The following RXRG variants were observed in gnomAD, a reference collection of about 807,000 sequenced individuals.
RXRG encodes retinoid X receptor gamma.
RXRG carries 19 observed loss-of-function variants against 49.2 expected under a neutral mutation model. The observed-to-expected ratio is 0.39, with a 90% CI of 0.27 to 0.57. The LOEUF is 0.57. Among genes scored for constraint, RXRG ranks in the 20% least tolerant of loss-of-function variants. RXRG has a pLI of 0.64. For synonymous variants in RXRG, 224 were observed against 216.6 expected (o/e 1.03, Z -0.30); for missense variants, 452 against 592.5 (o/e 0.76, Z 2.46).
In RXRG at chr1:165,409,597, C is replaced by T. The variant is rs181146498; in HGVS notation, c.1007G>A (p.Ser336Asn). 1.5e-5 allele frequency: 23 copies of T among 1,568,906 alleles called. No homozygotes were observed. Among genetic ancestry groups the T allele is most frequent in the Admixed American group, 1.9e-5 (1 of 53,578 alleles). ...GCCGACCCCAGCACTGTGGGCACTGCTCCGGTGGACATGTAAACCCGTGGC... is the reference window on the plus strand; with the variant it reads ...GCCGACCCCAGCACTGTGGGCACTGTTCCGGTGGACATGTAAACCCGTGGC... ...LLATGLHVHR[S>N]SAHSAGVGSI... Residue 336 changes from serine to asparagine, a missense_variant, in exon 7 of 10, where the codon AGC becomes AAC. Ser to Asn is a conservative substitution (Grantham distance 46). This residue lies in a region of RXRG where 286 missense variants were observed against 440.9 expected (regional missense o/e 0.65). Coordinates refer to ENST00000359842, the MANE Select transcript of RXRG (RefSeq NM_006917.5).
chr1:165,434,051 C>T lies in RXRG; in HGVS notation c.50-5085G>A, dbSNP rs557674978. Among the ~76,000 whole-genome samples, 5 of 152,236 alleles carry T rather than the reference C, an allele frequency of 3.3e-5. No homozygotes were observed. The South Asian group carries it at 1.0e-3, about 32-fold the overall frequency. ...CTTTCCAGCTATGTAAATTTGAGCACGGAACATGACCTCTGTAAACTGCAG... is the reference window on the plus strand; with the variant it reads ...CTTTCCAGCTATGTAAATTTGAGCATGGAACATGACCTCTGTAAACTGCAG... On this transcript the variant is annotated intron_variant, in intron 1 of 9. Transcript: ENST00000359842.
chr1:165,413,901 T>C (rs911113552), intron 4 of RXRG, among the ~76,000 whole-genome samples: 2 of 152,226 alleles, frequency 1.3e-5, no homozygotes, highest in African/African-American at 2.4e-5. Flanking sequence ...CAACAGGTCC[T>C]GGCCCCTGAT....
At position 165,428,725 on chromosome 1, in the gene RXRG, G is replaced by A; in HGVS notation, c.291C>T (p.Ser97=). 1 of 1,594,708 alleles carries A rather than the reference G, an allele frequency of 6.3e-7. No homozygotes were observed. Among genetic ancestry groups the A allele is most frequent in the Non-Finnish European group, 8.6e-7 (1 of 1,167,278 alleles). ...PPGINLVAPP[S]SQLNVVNSVS... is the part of the protein sequence containing the mutation. ...GGAGAGGAAGAACACTTACCTGAGA[G>A]CTGGGTGGGGCAACCAAGTTGATTC... The change falls in exon 2 of 10, where the codon AGC becomes AGT. Residue 97 remains serine (S), a synonymous_variant. Transcript: ENST00000359842.
intron 1 of RXRG, among the ~76,000 whole-genome samples, chr1:165,438,355 TA>T (rs67258951): frequency 0.068 from 9,755 of 143,562 alleles, 603 homozygotes; most frequent in East Asian, 0.34. Flanking sequence ...TATTCCAAAA[TA>T]AAAAAAAAAT....
Position 165,417,143 on chromosome 1 carries a change from T to C in RXRG, c.520A>G (p.Thr174Ala). 1.2e-6 allele frequency: 2 copies of C among 1,614,202 alleles called. No individual in the cohort carries two copies. Among genetic ancestry groups the C allele is most frequent in the Non-Finnish European group, 1.7e-6 (2 of 1,180,014 alleles). Residue 174 changes from threonine to alanine, a missense_variant, in exon 4 of 10, where the codon ACG becomes GCG. Thr to Ala is a moderately conservative substitution (Grantham distance 58). Transcript: ENST00000359842. Reference sequence around the variant, plus strand: ...AGGCAGTCTTTATTATCCCGACACGTGTAGATGAGGTCCTTCCTTATCGTC... The same window carrying C: ...AGGCAGTCTTTATTATCCCGACACGCGTAGATGAGGTCCTTCCTTATCGTC... ...KRTIRKDLIY[T>A]CRDNKDCLID... is the part of the protein sequence containing the mutation.
intron 4 of RXRG, among the ~76,000 whole-genome samples, chr1:165,413,047 G>C (rs1164076448): frequency 6.6e-6 from 1 of 152,208 alleles, no homozygotes; most frequent in Non-Finnish European, 1.5e-5. Flanking sequence ...TCAAGCTTCA[G>C]AGAAAATATC....
At chr1:165,440,713 T>C (rs1306812226) in intron 1 of RXRG, among the ~76,000 whole-genome samples, 1 of 152,094 alleles carries the variant, frequency 6.6e-6, no homozygotes, top group Non-Finnish European at 1.5e-5. Context: ...TCTTCTACTT[T>C]TAAAAAGAGG....
intron 2 of RXRG, among the ~76,000 whole-genome samples, chr1:165,424,463 C>T (rs1048432169): frequency 2.0e-5 from 3 of 152,222 alleles, no homozygotes; most frequent in African/African-American, 7.2e-5. Context: ...TCTTCTTTGA[C>T]ATGCCTAAAA....
At position 165,410,848 on chromosome 1, in the gene RXRG, G is replaced by A; in HGVS notation, c.784-17C>T. 1 of 1,614,036 alleles carries A rather than the reference G, an allele frequency of 6.2e-7. No homozygotes were observed. The highest frequency in any genetic ancestry group is 8.5e-7 in the Non-Finnish European group (1 of 1,179,998). On this transcript the variant is annotated splice_polypyrimidine_tract_variant and intron_variant, in intron 5 of 9. Transcript: ENST00000359842. ...GTCATTTGTCTGAAAAAGGAACAAA[G>A]TACTGTGAGGCACAGGTCCCAGGAC...
intron 3 of RXRG, 82 bp downstream of exon 3, chr1:165,419,788 A>G (rs1658247456): frequency 1.6e-6 from 2 of 1,283,270 alleles, no homozygotes. Context: ...TTTTCCTTTC[A>G]TTGAGTACAA....
intron 4 of RXRG, among the ~76,000 whole-genome samples, chr1:165,415,311 G>A (rs925747218): frequency 6.6e-6 from 1 of 152,224 alleles, no homozygotes; most frequent in Admixed American, 6.5e-5. Flanking sequence ...GAGGCTGAGA[G>A]ACAACAGGGC....
At chr1:165,413,937 C>A (rs79902061) in intron 4 of RXRG, among the ~76,000 whole-genome samples, 4,080 of 152,292 alleles carry the variant, frequency 0.027, 89 homozygotes, top group Admixed American at 0.063. Context: ...TCTGTACCTA[C>A]CCCAATTCCA....
At chr1:165,402,523 C>T (rs1459837148) in intron 9 of RXRG, among the ~76,000 whole-genome samples, 3 of 150,802 alleles carry the variant, frequency 2.0e-5, no homozygotes, top group African/African-American at 7.4e-5. Context: ...TGCATACACA[C>T]TGACCCACAC....
intron 9 of RXRG, among the ~76,000 whole-genome samples, chr1:165,402,213 T>G (rs1359725593): frequency 1.3e-5 from 2 of 152,092 alleles, no homozygotes; most frequent in Non-Finnish European, 2.9e-5. Context: ...GCCTCCCAAG[T>G]AGCTGCGAAT....
chr1:165,425,155 C>T (rs898862954), intron 2 of RXRG, among the ~76,000 whole-genome samples: 1 of 152,230 alleles, frequency 6.6e-6, no homozygotes, highest in Non-Finnish European at 1.5e-5. Flanking sequence ...ACTCACACAG[C>T]TCTGAAGATG....
At chr1:165,422,132 G>A (rs992542423) in intron 2 of RXRG, among the ~76,000 whole-genome samples, 2 of 152,046 alleles carry the variant, frequency 1.3e-5, no homozygotes, top group South Asian at 2.1e-4. Context: ...CTTCTCCTCC[G>A]ACCCTCAACT....
At chr1:165,430,474 T>G (rs868500241) in intron 1 of RXRG, among the ~76,000 whole-genome samples, 3 of 152,232 alleles carry the variant, frequency 2.0e-5, no homozygotes, top group South Asian at 2.1e-4. Context: ...GGAAAAAATG[T>G]CAACCTGCAG....
At chr1:165,441,552 C>T (rs1394777113) in intron 1 of RXRG, among the ~76,000 whole-genome samples, 1 of 152,184 alleles carries the variant, frequency 6.6e-6, no homozygotes, top group East Asian at 1.9e-4. Context: ...AGTACGAGAA[C>T]AATGGTAACA....
chr1:165,413,443 G>T (rs193228078), intron 4 of RXRG, among the ~76,000 whole-genome samples: 3 of 151,992 alleles, frequency 2.0e-5, no homozygotes, highest in Admixed American at 2.0e-4. Flanking sequence ...GACATACTAC[G>T]AGCCACAGAG....
Sources: gnomAD v4.1 joint callset for allele counts (sites outside exome capture counted in the v4.1 genomes callset) on GRCh38, gnomAD v4.1.1 for gene constraint, gnomAD v4.1.1 regional missense constraint, MANE v1.5 for transcripts, NCBI Gene and HGNC (gene_info 2026-07-23, HGNC 2026-07-21) for gene names.